The following HAUS3 variants were observed in gnomAD, a reference collection of about 807,000 sequenced individuals.
The protein encoded by HAUS3 is HAUS augmin like complex subunit 3, also known as HAUS augmin-like complex subunit 3.
A neutral mutation model predicts 55.2 loss-of-function variants in HAUS3; 36 were observed. The observed-to-expected ratio is 0.65, with a 90% CI of 0.50 to 0.86. The LOEUF (loss-of-function observed/expected upper bound fraction) is 0.86, where lower values mean the gene tolerates loss of function less well. HAUS3 is among the 40% of genes least tolerant of loss of function. HAUS3 has a pLI of 0.00. For missense variants in HAUS3, 752 were observed against 671.5 expected, an observed-to-expected ratio of 1.12 and a Z score of -1.33; for synonymous variants, 234 against 238.6, an observed-to-expected ratio of 0.98 and a Z score of 0.18.
chr4:2,241,718 GC>G lies in HAUS3; in HGVS notation c.-347del, dbSNP rs1734996529. On this transcript the variant is annotated 5_prime_UTR_variant, in exon 2 of 6. Transcript: ENST00000443786. ...AGCCCCAGGGATCCGCGGCCCCAAGGCCGCGATACACCAGACGCGCCAGCGG... is the reference window on the plus strand; with the variant it reads ...AGCCCCAGGGATCCGCGGCCCCAAGGCGCGATACACCAGACGCGCCAGCGG... 1.0e-6 allele frequency: 1 copy of G among 985,488 alleles called. No homozygotes were observed. The highest frequency in any genetic ancestry group is 1.1e-4 in the East Asian group (1 of 8,812). 61.0% of individuals were successfully genotyped at this position (985,488 alleles called of 1,614,324 possible).
chr4:2,240,552 T>A lies in HAUS3; in HGVS notation c.395A>T (p.His132Leu), dbSNP rs774594673. ...TTTAGCATTTAACCTCAGAGATTTG[T>A]GGCTAGTTACTGAAGCCATCAATTG... ...KCQLMASVTS[H>L]KSLRLNAKEE... Residue 132 changes from histidine (H) to leucine (L), a missense_variant, in exon 3 of 6, where the codon CAC (histidine) becomes CTC (leucine). Coordinates refer to ENST00000443786, the MANE Select transcript of HAUS3 (RefSeq NM_001303143.2). The A allele has an allele frequency of 5.0e-6, 8 of 1,613,668 alleles. No homozygotes were observed. Among genetic ancestry groups the A allele is most frequent in the Non-Finnish European group, 6.8e-6 (8 of 1,179,930 alleles).
rs775490843 is a variant in HAUS3, at chr4:2,238,607, T to A, written c.1346A>T (p.His449Leu). The A allele has an allele frequency of 7.0e-6, 11 of 1,569,196 alleles. No homozygotes were observed. Among genetic ancestry groups the A allele is most frequent in the South Asian group, 1.1e-5 (1 of 87,802 alleles). ...AGAAACAATGAAGCATACGTACCTA[T>A]GAGTAGAATAATCCTTAGTATCAAT... ...NTIDTKDYST[H>L]RLYQVLEGEN... The change falls in exon 4 of 6, where the codon CAT becomes CTT. Residue 449 changes from histidine (H) to leucine (L), a missense_variant. By Grantham distance (99) the His-to-Leu change is moderately conservative. Coordinates refer to ENST00000443786, the MANE Select transcript of HAUS3 (RefSeq NM_001303143.2).
At chr4:2,241,452 C>G in intron 2 of HAUS3, 68 bp downstream of exon 2, 1 of 976,428 alleles carries the variant, frequency 1.0e-6, no homozygotes, top group Non-Finnish European at 1.2e-6. Flanking sequence ...CCTCTCTTCC[C>G]TGCCCTCCGT....
Position 2,236,419 on chromosome 4 carries a change from CTT to C in HAUS3, c.1385_1386del (p.Lys462ArgfsTer10), listed in dbSNP as rs1560104524. The C allele has an allele frequency of 6.2e-7, 1 of 1,613,022 alleles. No homozygotes were observed. Among genetic ancestry groups the C allele is most frequent in the Non-Finnish European group, 8.5e-7 (1 of 1,179,382 alleles). ...AGGTTTCCATGAGTTAGAAACAATT[CTT>C]TTTTCTTATTCTCTCCCTCCAAAAC... ...YQVLEGENKKKELFLTHGNLE... is the reference protein window; with the variant it reads ...YQVLEGENKKXELFLTHGNLE... On this transcript the variant is annotated frameshift_variant, in exon 5 of 6. Coordinates refer to ENST00000443786, the MANE Select transcript of HAUS3 (RefSeq NM_001303143.2). LOFTEE classifies it high-confidence loss of function.
rs757593950 is a variant in HAUS3 at position 2,240,631 on chromosome 4, C to A, written c.316G>T (p.Val106Phe). Residue 106 changes from valine to phenylalanine, a missense_variant, in exon 3 of 6, where the codon GTT (valine) becomes TTT (phenylalanine). Val to Phe is a conservative substitution (Grantham distance 50). Transcript: ENST00000443786. The stretch of plus-strand genomic sequence containing the variant: ...TTCTTTAATTTCAGTAGAGTTTGAA[C>A]CTCATCCTCTAATTTCTCCAGCTCT... ...DKELEKLEDE[V>F]QTLLKLKNLK... 15 of 1,613,506 alleles carry A rather than the reference C, an allele frequency of 9.3e-6. 1 individual carries two copies. In the South Asian group the frequency reaches 1.5e-4, roughly 17 times the overall value.
rs1734997043 is a variant in HAUS3, at chr4:2,241,726, AC to A, written c.-355del. On this transcript the variant is annotated 5_prime_UTR_variant, in exon 2 of 6. Coordinates refer to ENST00000443786, the MANE Select transcript of HAUS3 (RefSeq NM_001303143.2). ...GGATCCGCGGCCCCAAGGCCGCGAT[AC>A]ACCAGACGCGCCAGCGGCAAAACCT... The A allele has an allele frequency of 1.0e-6, 1 of 985,388 alleles. No homozygotes were observed. Among genetic ancestry groups the A allele is most frequent in the Admixed American group, 6.1e-5 (1 of 16,274 alleles). The allele number at this position is 985,388 out of a possible 1,614,324, so 61.0% of individuals were successfully genotyped here.
At position 2,240,550 on chromosome 4, in the gene HAUS3, T is replaced by C; in HGVS notation, c.397A>G (p.Lys133Glu). 3.7e-6 allele frequency: 6 copies of C among 1,613,658 alleles called. No individual in the cohort carries two copies. The highest frequency in any genetic ancestry group is 5.1e-6 in the Non-Finnish European group (6 of 1,179,934). Reference protein sequence around the residue: ...CQLMASVTSHKSLRLNAKEEE... With the variant: ...CQLMASVTSHESLRLNAKEEE... ...TCTTTAGCATTTAACCTCAGAGATT[T>C]GTGGCTAGTTACTGAAGCCATCAAT... The change falls in exon 3 of 6, where the codon AAA (lysine) becomes GAA (glutamate). Residue 133 changes from lysine (K) to glutamate (E), a missense_variant. Lys to Glu is a moderately conservative substitution (Grantham distance 56). Transcript: ENST00000443786.
intron 4 of HAUS3, among the ~76,000 whole-genome samples, chr4:2,238,062 GAGT>G (rs1458500345): frequency 2.0e-5 from 3 of 152,112 alleles, no homozygotes; most frequent in Admixed American, 6.5e-5. Flanking sequence ...GAAAAATGAG[GAGT>G]AGGAGACAGA....
rs1334850047 is a variant in HAUS3, at chr4:2,229,402, T to C, written c.*2525A>G. 5 of 582,864 alleles carry C rather than the reference T, an allele frequency of 8.6e-6. No homozygotes were observed. Among genetic ancestry groups the C allele is most frequent in the Non-Finnish European group, 1.3e-5 (5 of 373,132 alleles). 36.1% of individuals were successfully genotyped at this position (582,864 alleles called of 1,614,324 possible). On this transcript the variant is annotated 3_prime_UTR_variant, in exon 6 of 6. Coordinates refer to ENST00000443786, the MANE Select transcript of HAUS3 (RefSeq NM_001303143.2). ...GGCATCAATCATCCAATAATATAGA[T>C]AGAAAGAAAAAAGCAAAATAGCTAG...
chr4:2,229,011 T>C lies in HAUS3; in HGVS notation c.*2916A>G. 7.5e-7 allele frequency: 1 copy of C among 1,342,186 alleles called. No homozygotes were observed. The highest frequency in any genetic ancestry group is 1.0e-6 in the Non-Finnish European group (1 of 970,378). 83.1% of individuals were successfully genotyped at this position (1,342,186 alleles called of 1,614,324 possible). On this transcript the variant is annotated 3_prime_UTR_variant, in exon 6 of 6. Coordinates refer to ENST00000443786, the MANE Select transcript of HAUS3 (RefSeq NM_001303143.2). ...GGGCGGGAGCTGGGCTTCATCTGTC[T>C]ACATGCATTCCATTTTCAATTCTTA...
Position 2,231,684 on chromosome 4 carries a change from CT to C in HAUS3, c.*242del. ...AAAATATTTGCATTATGTAATAATG[CT>C]TTTTCCCTGTAAGTAAAAAATTACC... On this transcript the variant is annotated 3_prime_UTR_variant, in exon 6 of 6. Transcript: ENST00000443786. 1.0e-5 allele frequency: 3 copies of C among 294,146 alleles called. No homozygotes were observed. The highest frequency in any genetic ancestry group is 2.2e-5 in the African/African-American group (1 of 45,638). The allele number at this position is 294,146 out of a possible 1,614,324, so 18.2% of individuals were successfully genotyped here.
In HAUS3 at chr4:2,240,291, T is replaced by C. The variant is rs986746812; in HGVS notation, c.656A>G (p.Lys219Arg). The C allele has an allele frequency of 6.2e-7, 1 of 1,612,372 alleles. No individual in the cohort carries two copies. The highest frequency in any genetic ancestry group is 1.3e-5 in the African/African-American group (1 of 74,924). The change falls in exon 3 of 6, where the codon AAA becomes AGA. Residue 219 changes from lysine (K) to arginine (R), a missense_variant. Physicochemically the swap from Lys to Arg is conservative, Grantham distance 26. Transcript: ENST00000443786. ...QSTAALTLYT[K>R]KQFFQGIHEV... ...ATGTATACCCTGAAAGAACTGTTTT[T>C]TGGTATACAAAGTTAATGCTGCTGT...
intron 5 of HAUS3, 47 bp from the exon 6 acceptor site, chr4:2,232,207 T>C: frequency 2.5e-6 from 2 of 812,604 alleles, no homozygotes; most frequent in South Asian, 4.1e-5. Flanking sequence ...TTATTCCTAA[T>C]ACCAATTATA....
chr4:2,239,498 T>C (rs1440785294), intron 3 of HAUS3, among the ~76,000 whole-genome samples: 1 of 152,224 alleles, frequency 6.6e-6, no homozygotes, highest in African/African-American at 2.4e-5. Flanking sequence ...GATATTCTGA[T>C]TCAGAAAAGT....
Position 2,240,875 on chromosome 4 carries a change from T to C in HAUS3, c.72A>G (p.Gly24=). 1.9e-6 allele frequency: 3 copies of C among 1,610,304 alleles called. No individual in the cohort carries two copies. The highest frequency in any genetic ancestry group is 2.5e-6 in the Non-Finnish European group (3 of 1,179,562). The change falls in exon 3 of 6, where the codon GGA becomes GGG. Residue 24 remains glycine (G), a synonymous_variant. Transcript: ENST00000443786. ...CCTCAAACAACCAGTCAAAGTCTTC[T>C]CCATTAAGATTATCAGCTTTGGGAT... ...IGYPKADNLN[G]EDFDWLFEGV...
chr4:2,240,553 G>A lies in HAUS3; in HGVS notation c.394C>T (p.His132Tyr). 1 of 1,613,520 alleles carries A rather than the reference G, an allele frequency of 6.2e-7. No homozygotes were observed. The highest frequency in any genetic ancestry group is 8.5e-7 in the Non-Finnish European group (1 of 1,179,916). ...KCQLMASVTS[H>Y]KSLRLNAKEE... ...TTAGCATTTAACCTCAGAGATTTGT[G>A]GCTAGTTACTGAAGCCATCAATTGA... Residue 132 changes from histidine to tyrosine, a missense_variant, in exon 3 of 6, where the codon CAC becomes TAC. Coordinates refer to ENST00000443786, the MANE Select transcript of HAUS3 (RefSeq NM_001303143.2).
rs1293152640 is a variant in HAUS3 at position 2,229,187 on chromosome 4, T to C, written c.*2740A>G. 2 of 1,610,432 alleles carry C rather than the reference T, an allele frequency of 1.2e-6. No individual in the cohort carries two copies. The highest frequency in any genetic ancestry group is 1.7e-6 in the Non-Finnish European group (2 of 1,177,396). On this transcript the variant is annotated 3_prime_UTR_variant, in exon 6 of 6. Coordinates refer to ENST00000443786, the MANE Select transcript of HAUS3 (RefSeq NM_001303143.2). ...TCTTCTGAGCAACACTGGAGAGCGG[T>C]GTATTACAGAGATCAAAGCCTACCA... is the stretch of plus-strand genomic sequence containing the variant.
chr4:2,236,386 C>G lies in HAUS3; in HGVS notation c.1420G>C (p.Val474Leu), dbSNP rs1441141072. Residue 474 changes from valine (V) to leucine (L), a missense_variant, in exon 5 of 6, where the codon GTG becomes CTG. By Grantham distance (32) the Val-to-Leu change is conservative. Transcript: ENST00000443786. ...LFLTHGNLEEVAEKLKQNISL... is the reference protein window; with the variant it reads ...LFLTHGNLEELAEKLKQNISL... Reference sequence around the variant, plus strand: ...ATATTCTGTTTCAATTTCTCAGCCACTTCCTCAAGGTTTCCATGAGTTAGA... The same window carrying G: ...ATATTCTGTTTCAATTTCTCAGCCAGTTCCTCAAGGTTTCCATGAGTTAGA... 1.9e-6 allele frequency: 3 copies of G among 1,613,798 alleles called. No individual in the cohort carries two copies. In the South Asian group the frequency reaches 3.3e-5, roughly 18 times the overall value.
At chr4:2,235,380 G>C (rs1295440418) in intron 5 of HAUS3, among the ~76,000 whole-genome samples, 1 of 152,194 alleles carries the variant, frequency 6.6e-6, no homozygotes, top group African/African-American at 2.4e-5. Flanking sequence ...GAAATAACAA[G>C]TGTTGGCAAA....
Sources: gnomAD v4.1 joint callset for allele counts (sites outside exome capture counted in the v4.1 genomes callset) on GRCh38, gnomAD v4.1.1 for gene constraint, MANE v1.5 for transcripts, NCBI Gene and HGNC (gene_info 2026-07-23, HGNC 2026-07-21) for gene names.